The following NCOA2 variants were observed in gnomAD, a reference collection of about 807,000 sequenced individuals.
The protein encoded by NCOA2 is class E basic helix-loop-helix protein 75.
A neutral mutation model predicts 145.1 loss-of-function variants in NCOA2; 21 were observed. That is an observed-to-expected ratio of 0.14 (90% CI 0.10 to 0.21). The LOEUF is 0.21. NCOA2 is among the 10% of genes least tolerant of loss of function. The pLI is 1.00. For missense variants in NCOA2, 1,472 were observed against 1,837.6 expected (o/e 0.80, Z 3.64); for synonymous variants, 619 against 637.5 (o/e 0.97, Z 0.44).
At chr8:70,123,121 T>C (rs895023653) in intron 21 of NCOA2, among the ~76,000 whole-genome samples, 8 of 152,208 alleles carry the variant, frequency 5.3e-5, no homozygotes, top group Non-Finnish European at 1.0e-4. Context: ...TCAAATGCTT[T>C]GAGTCTCTCT....
At chr8:70,171,968 C>G (rs1482383712) in intron 5 of NCOA2, among the ~76,000 whole-genome samples, 1 of 152,072 alleles carries the variant, frequency 6.6e-6, no homozygotes, top group Non-Finnish European at 1.5e-5. Context: ...GAACTACAGG[C>G]ATGTACCATT....
intron 2 of NCOA2, among the ~76,000 whole-genome samples, chr8:70,225,199 G>A (rs985773021): frequency 2.6e-5 from 4 of 152,038 alleles, no homozygotes; most frequent in Non-Finnish European, 5.9e-5. Context: ...GAGAGGGTGG[G>A]GAATAGTAAA....
At chr8:70,210,722 C>T (rs1458124803) in intron 4 of NCOA2, among the ~76,000 whole-genome samples, 1 of 151,916 alleles carries the variant, frequency 6.6e-6, no homozygotes, top group African/African-American at 2.4e-5. Context: ...CCCTCCATGC[C>T]TGGCTGACAC....
At chr8:70,437,541 A>C in the NCOA2 span, among the ~76,000 whole-genome samples, 2 of 152,242 alleles carry the variant, frequency 1.3e-5, no homozygotes, top group African/African-American at 4.8e-5. Context: ...GTTTATGTTC[A>C]GACACAATGA....
At chr8:70,219,973 T>C (rs936068567) in intron 2 of NCOA2, among the ~76,000 whole-genome samples, 1 of 152,130 alleles carries the variant, frequency 6.6e-6, no homozygotes, top group African/African-American at 2.4e-5. Flanking sequence ...ATAGATAAGT[T>C]ATAAAAACGA....
rs1371739592 is a variant in NCOA2 at position 70,113,253 on chromosome 8, T to C, written c.*379A>G. On this transcript the variant is annotated 3_prime_UTR_variant, in exon 23 of 23. Coordinates refer to ENST00000452400, the MANE Select transcript of NCOA2 (RefSeq NM_006540.4). ...GGGAAAACAAAGCAAGAAACCAGTG[T>C]CTGGAACCGAACAGGAACAGAACAA... is the stretch of plus-strand genomic sequence containing the variant. The C allele has an allele frequency of 1.1e-5, 3 of 276,894 alleles. No individual in the cohort carries two copies. Among genetic ancestry groups the C allele is most frequent in the Non-Finnish European group, 2.0e-5 (3 of 147,630 alleles). The allele number at this position is 276,894 out of a possible 1,614,324, so 17.2% of individuals were successfully genotyped here. A position where few individuals can be genotyped will look rare whatever the true frequency, so the allele number is the denominator to read the frequency against.
At chr8:70,184,481 G>A (rs1031717307) in intron 4 of NCOA2, among the ~76,000 whole-genome samples, 8 of 152,108 alleles carry the variant, frequency 5.3e-5, no homozygotes, top group African/African-American at 1.7e-4. Flanking sequence ...AGAGTGCTGC[G>A]AGAAGCCTTG....
At chr8:70,451,805 G>C in the NCOA2 span, among the ~76,000 whole-genome samples, 1 of 152,100 alleles carries the variant, frequency 6.6e-6, no homozygotes, top group South Asian at 2.1e-4. Context: ...TGTATTCTCT[G>C]AGCAAGTATT....
At chr8:70,275,346 T>C (rs962027070) in intron 2 of NCOA2, among the ~76,000 whole-genome samples, 11 of 152,146 alleles carry the variant, frequency 7.2e-5, no homozygotes, top group East Asian at 1.9e-4. Context: ...TAAGTACTTA[T>C]ATATAGTTGT....
chr8:70,417,617 T>A, the NCOA2 span, among the ~76,000 whole-genome samples: 10 of 152,084 alleles, frequency 6.6e-5, no homozygotes, highest in Non-Finnish European at 1.2e-4. Context: ...CATTCTGTAT[T>A]CCCCTTGCCC....
In NCOA2 at chr8:70,379,058, T is replaced by G. The variant is rs190941903; in HGVS notation, c.-77+24642A>C. ...AAGACAAGCAGTTAAAGGATAAGGG[T>G]AGAAAATGTGGGAAGAAGTCTATCC... On this transcript the variant is annotated intron_variant, in intron 1 of 22. Transcript: ENST00000452400. 2.6e-5 allele frequency among the ~76,000 whole-genome samples: 4 copies of G among 152,316 alleles called. No homozygotes were observed. The East Asian group carries it at 7.7e-4, about 29-fold the overall frequency.
intron 1 of NCOA2, among the ~76,000 whole-genome samples, chr8:70,319,541 A>G (rs567029272): frequency 6.6e-6 from 1 of 151,540 alleles, no homozygotes; most frequent in African/African-American, 2.4e-5. Flanking sequence ...CTGTCTCAAA[A>G]ATAAATAAAT....
At chr8:70,229,029 T>A (rs1030184991) in intron 2 of NCOA2, among the ~76,000 whole-genome samples, 68 of 152,254 alleles carry the variant, frequency 4.5e-4, no homozygotes, top group Non-Finnish European at 2.9e-5. Flanking sequence ...GAGCAGTGAC[T>A]ATTATATTTA....
chr8:70,175,392 G>C (rs1029188420), intron 4 of NCOA2, among the ~76,000 whole-genome samples: 8 of 152,224 alleles, frequency 5.3e-5, no homozygotes, highest in African/African-American at 1.9e-4. Flanking sequence ...TGGACAGGAA[G>C]ATTTGGTCCC....
chr8:70,388,768 C>T (rs183415336), intron 1 of NCOA2, among the ~76,000 whole-genome samples: 13 of 152,134 alleles, frequency 8.5e-5, no homozygotes, highest in African/African-American at 1.9e-4. Flanking sequence ...AAAGCACACA[C>T]GCACACACAC....
intron 8 of NCOA2, among the ~76,000 whole-genome samples, chr8:70,163,104 G>A (rs150479651): frequency 1.5e-3 from 234 of 152,048 alleles, no homozygotes; most frequent in African/African-American, 5.3e-3. Context: ...TAATACAGAT[G>A]AGGTTTTGCC....
chr8:70,220,429 T>G (rs887712348), intron 2 of NCOA2, among the ~76,000 whole-genome samples: 8 of 152,206 alleles, frequency 5.3e-5, no homozygotes, highest in African/African-American at 1.9e-4. Context: ...AAGTTTCAAA[T>G]CATCCATTCT....
intron 2 of NCOA2, among the ~76,000 whole-genome samples, chr8:70,235,569 C>T (rs992988885): frequency 2.6e-5 from 4 of 152,086 alleles, no homozygotes; most frequent in African/African-American, 9.7e-5. Context: ...TTAGGCCAGG[C>T]GCGGTGGCTC....
At chr8:70,383,719 G>A (rs1812416593) in intron 1 of NCOA2, among the ~76,000 whole-genome samples, 1 of 152,030 alleles carries the variant, frequency 6.6e-6, no homozygotes, top group African/African-American at 2.4e-5. Context: ...TGGTCAAGCT[G>A]GTCTCAAACT....
Sources: gnomAD v4.1 joint callset for allele counts (sites outside exome capture counted in the v4.1 genomes callset) on GRCh38, gnomAD v4.1.1 for gene constraint, MANE v1.5 for transcripts, NCBI Gene and HGNC (gene_info 2026-07-23, HGNC 2026-07-21) for gene names.